The following CNTN2 variants were observed in gnomAD, a reference collection of about 807,000 sequenced individuals.
CNTN2 encodes the protein contactin-2.
A neutral mutation model predicts 117.5 loss-of-function variants in CNTN2; 53 were observed. That is an observed-to-expected ratio of 0.45 (90% CI 0.36 to 0.57). The LOEUF is 0.57. Ranked by LOEUF, CNTN2 falls within the 20% of genes least tolerant of loss-of-function variation. CNTN2 has a pLI of 0.00. For synonymous variants in CNTN2, 530 were observed against 561.7 expected, an observed-to-expected ratio of 0.94 and a Z score of 0.80; for missense variants, 1,106 against 1,404.3, an observed-to-expected ratio of 0.79 and a Z score of 3.39.
At position 205,075,152 on chromosome 1, in the gene CNTN2, G is replaced by T. The variant is rs1328496870; in HGVS notation, c.*1387G>T. ...GTCTTCCACCTTTCTGTTCAAGGCT[G>T]TTTGTCTACCCAGAGGAAGGAGGCA... is the stretch of plus-strand genomic sequence containing the variant. On this transcript the variant is annotated 3_prime_UTR_variant, in exon 23 of 23. Coordinates refer to ENST00000331830, the MANE Select transcript of CNTN2 (RefSeq NM_005076.5). 3 of 369,178 alleles carry T rather than the reference G, an allele frequency of 8.1e-6. No homozygotes were observed. The highest frequency in any genetic ancestry group is 1.4e-5 in the Non-Finnish European group (3 of 207,992). The allele number at this position is 369,178 out of a possible 1,614,324, so 22.9% of individuals were successfully genotyped here.
Position 205,062,584 on chromosome 1 carries a change from G to A in CNTN2, c.1240+15G>A, listed in dbSNP as rs771512123. 13 of 1,607,384 alleles carry A rather than the reference G, an allele frequency of 8.1e-6. No homozygotes were observed. Among genetic ancestry groups the A allele is most frequent in the Middle Eastern group, 1.7e-4 (1 of 6,030 alleles). On this transcript the variant is annotated intron_variant, in intron 10 of 22. Transcript: ENST00000331830. ...AGCCGTGCAAGGTAAGGGGCCCAGGGAGGCAGGGGACATCCCAAGGACATG... is the reference window on the plus strand; with the variant it reads ...AGCCGTGCAAGGTAAGGGGCCCAGGAAGGCAGGGGACATCCCAAGGACATG...
rs768447366 is a variant in CNTN2 at position 205,066,589 on chromosome 1, G to A, written c.1965G>A (p.Gln655=). 5.0e-6 allele frequency: 8 copies of A among 1,613,986 alleles called. No homozygotes were observed. Among genetic ancestry groups the A allele is most frequent in the Non-Finnish European group, 5.9e-6 (7 of 1,179,992 alleles). The part of the protein sequence containing the change: ...ARTPPAGKWK[Q]VRTNPANIEG... Reference sequence around the variant, plus strand: ...CTCCACCTGCAGGGAAGTGGAAGCAGGTTCGGACCAGTAAGTGTGAGCCCC... The same window carrying A: ...CTCCACCTGCAGGGAAGTGGAAGCAAGTTCGGACCAGTAAGTGTGAGCCCC... The change falls in exon 15 of 23, where the codon CAG becomes CAA. Residue 655 remains glutamine (Q), a synonymous_variant. Transcript: ENST00000331830.
Position 205,064,664 on chromosome 1 carries a change from T to C in CNTN2, c.1433T>C (p.Ile478Thr), listed in dbSNP as rs1384568297. ...GATGGCACCTTGATCATAAGAAACA[T>C]CAGCCGGTCAGATGAAGGCAAATAC... is the stretch of plus-strand genomic sequence containing the variant. ...TPDGTLIIRNISRSDEGKYTC... is the reference protein window; with the variant it reads ...TPDGTLIIRNTSRSDEGKYTC... Residue 478 changes from isoleucine to threonine, a missense_variant, in exon 12 of 23, where the codon ATC (isoleucine) becomes ACC (threonine). Ile to Thr is a moderately conservative substitution (Grantham distance 89). Transcript: ENST00000331830. 3.1e-6 allele frequency: 5 copies of C among 1,614,016 alleles called. No homozygotes were observed. The highest frequency in any genetic ancestry group is 3.3e-5 in the Admixed American group (2 of 60,006).
intron 15 of CNTN2, 82 bp downstream of exon 15, chr1:205,066,681 G>T: frequency 1.3e-6 from 2 of 1,493,438 alleles, no homozygotes; most frequent in East Asian, 4.7e-5. Context: ...TTTGGGGATC[G>T]GGGTCTGAGG....
intron 10 of CNTN2, among the ~76,000 whole-genome samples, chr1:205,063,838 C>G (rs1435563064): frequency 6.7e-6 from 1 of 150,348 alleles, no homozygotes; most frequent in East Asian, 1.9e-4. Context: ...AATTTCCAGG[C>G]AAGATTTACA....
chr1:205,054,542 C>T (rs1415284865), intron 2 of CNTN2, among the ~76,000 whole-genome samples: 1 of 152,208 alleles, frequency 6.6e-6, no homozygotes. Context: ...GGGCTTCTAG[C>T]ATCCGCTCCC....
At chr1:205,066,001 C>T (rs997175053) in intron 14 of CNTN2, 92 bp downstream of exon 14, 147 of 1,462,500 alleles carry the variant, frequency 1.0e-4, no homozygotes, top group Admixed American at 1.4e-4. Context: ...CCTCCCTTCC[C>T]TCAAAGCTGC....
At chr1:205,072,273 T>C in intron 20 of CNTN2, 140 bp downstream of exon 20, 1 of 938,954 alleles carries the variant, frequency 1.1e-6, no homozygotes, top group East Asian at 2.5e-5. Flanking sequence ...GCGAGCCTAA[T>C]GGAAATAAGG....
Position 205,072,031 on chromosome 1 carries a change from G to A in CNTN2, c.2629G>A (p.Gly877Ser), listed in dbSNP as rs146145490. The A allele has an allele frequency of 1.6e-4, 253 of 1,614,030 alleles. No individual in the cohort carries two copies. Among genetic ancestry groups the A allele is most frequent in the Non-Finnish European group, 2.1e-4 (244 of 1,180,026 alleles). The change falls in exon 20 of 23, where the codon GGC (glycine) becomes AGC (serine). Residue 877 changes from glycine (G) to serine (S), a missense_variant. Physicochemically the swap from Gly to Ser is moderately conservative, Grantham distance 56. Transcript: ENST00000331830. ...AGLDTSARVS[G>S]LHPNTKYHVT... Reference sequence around the variant, plus strand: ...GCTGGACACCAGTGCCCGAGTCAGCGGCCTGCATCCCAACACCAAGTACCA... The same window carrying A: ...GCTGGACACCAGTGCCCGAGTCAGCAGCCTGCATCCCAACACCAAGTACCA...
rs4017875 is a variant in CNTN2 at position 205,048,910 on chromosome 1, CGTGTGTGTGTGTGTGTGTGTGTGT to C, written c.-86-4163_-86-4140del. ...GCTCCAGCCTTTAGCCCAGACTCTG[CGTGTGTGTGTGTGTGTGTGTGTGT>C]GTGTGTGTGTGTGTGTGTGTGTGTG... On this transcript the variant is annotated intron_variant, in intron 1 of 22. Coordinates refer to ENST00000331830, the MANE Select transcript of CNTN2 (RefSeq NM_005076.5). The surrounding 1 kb of genome is among the most constrained non-coding windows in gnomAD (Gnocchi z 4.1). 1.6e-4 allele frequency among the ~76,000 whole-genome samples: 21 copies of C among 127,880 alleles called. No individual in the cohort carries two copies. The East Asian group carries it at 1.7e-3, about 10-fold the overall frequency. 83.9% of individuals were successfully genotyped at this position (127,880 alleles called of 152,430 possible).
rs74636603 is a variant in CNTN2, at chr1:205,050,174, G to A, written c.-86-2926G>A. 7.0e-4 allele frequency among the ~76,000 whole-genome samples: 107 copies of A among 152,268 alleles called. 3 individuals are homozygous for A. In the East Asian group the frequency reaches 0.016, roughly 23 times the overall value. ...TCAGGTTCAAACCCTGGAAGGTCCC[G>A]ACACCTCTCTATTCTGAGGATAACT... is the stretch of plus-strand genomic sequence containing the variant. On this transcript the variant is annotated intron_variant, in intron 1 of 22. Coordinates refer to ENST00000331830, the MANE Select transcript of CNTN2 (RefSeq NM_005076.5).
intron 2 of CNTN2, among the ~76,000 whole-genome samples, chr1:205,054,512 G>A (rs1436359776): frequency 1.3e-5 from 2 of 152,340 alleles, no homozygotes; most frequent in South Asian, 2.1e-4. Context: ...CACCCCAGAC[G>A]GAGCAGAGGG....
chr1:205,061,466 C>A lies in CNTN2; in HGVS notation c.973+46C>A. The A allele has an allele frequency of 6.6e-7, 1 of 1,511,108 alleles. No homozygotes were observed. Among genetic ancestry groups the A allele is most frequent in the Non-Finnish European group, 8.9e-7 (1 of 1,124,804 alleles). 93.6% of individuals were successfully genotyped at this position (1,511,108 alleles called of 1,614,324 possible). On this transcript the variant is annotated intron_variant, in intron 8 of 22. Transcript: ENST00000331830. This position sits in a 1 kb window ranked among gnomAD's most constrained non-coding sequence, Gnocchi z 4.8. ...TCTCCGCCCCTCCCGACCCCCCTTC[C>A]CGCCTTCACCCTTGTCCCCAAGGAA...
At chr1:205,049,659 C>T (rs1301175346) in intron 1 of CNTN2, among the ~76,000 whole-genome samples, 1 of 152,214 alleles carries the variant, frequency 6.6e-6, no homozygotes, top group African/African-American at 2.4e-5. Context: ...CCCAGGCCAG[C>T]ACCCTGCCCC....
Position 205,058,992 on chromosome 1 carries a change from C to A in CNTN2, c.488-92C>A. Reference sequence around the variant, plus strand: ...GAGCATGGTGGCTGTCAGGACAGGGCTTGCAGAACCGCACCAGCATGCTGG... The same window carrying A: ...GAGCATGGTGGCTGTCAGGACAGGGATTGCAGAACCGCACCAGCATGCTGG... On this transcript the variant is annotated intron_variant, in intron 5 of 22. Coordinates refer to ENST00000331830, the MANE Select transcript of CNTN2 (RefSeq NM_005076.5). The surrounding 1 kb of genome is among the most constrained non-coding windows in gnomAD (Gnocchi z 4.3). The A allele has an allele frequency of 8.7e-7, 1 of 1,150,208 alleles. No individual in the cohort carries two copies. The highest frequency in any genetic ancestry group is 1.3e-6 in the Non-Finnish European group (1 of 782,840). 71.3% of individuals were successfully genotyped at this position (1,150,208 alleles called of 1,614,324 possible).
intron 17 of CNTN2, 27 bp from the exon 18 acceptor site, chr1:205,069,800 C>T (rs1454139679): frequency 6.2e-7 from 1 of 1,601,688 alleles, no homozygotes. Context: ...CGCGGACCCT[C>T]GCCCATGCCA....
At position 205,069,949 on chromosome 1, in the gene CNTN2, C is replaced by A. The variant is rs543992505; in HGVS notation, c.2319C>A (p.Tyr773Ter). The A allele has an allele frequency of 6.2e-7, 1 of 1,613,806 alleles. No homozygotes were observed. Among genetic ancestry groups the A allele is most frequent in the South Asian group, 1.1e-5 (1 of 91,088 alleles). ...GCGCCGATGCCCAGTACTTTGTCTA[C>A]AGCAACGAGAGCGTCCGGCCCTACA... ...VPGADAQYFV[Y>*]SNESVRPYTP... The change falls in exon 18 of 23, where the codon TAC becomes TAA. Residue 773 changes from tyrosine (Y) to a stop codon, truncating the protein, a stop_gained. Transcript: ENST00000331830. LOFTEE classifies it high-confidence loss of function.
At chr1:205,052,293 C>T (rs990840516) in intron 1 of CNTN2, among the ~76,000 whole-genome samples, 1 of 152,184 alleles carries the variant, frequency 6.6e-6, no homozygotes, top group African/African-American at 2.4e-5. Flanking sequence ...GGGAGGCTGG[C>T]TCTGCCCCCG....
chr1:205,049,923 C>T (rs186250436), intron 1 of CNTN2, among the ~76,000 whole-genome samples: 4 of 152,306 alleles, frequency 2.6e-5, no homozygotes, highest in African/African-American at 9.6e-5. Context: ...CCTAGCCTCC[C>T]ATGGTGGCCT....
Sources: allele counts gnomAD v4.1 joint callset (sites outside exome capture counted in the v4.1 genomes callset), GRCh38; gene constraint gnomAD v4.1.1; non-coding constraint Gnocchi (gnomAD v3.1); transcripts MANE v1.5; gene names NCBI Gene and HGNC (gene_info 2026-07-23, HGNC 2026-07-21).